DIP2B: variants seen among roughly 807,000 people sequenced by gnomAD.
DIP2B encodes the protein DIP2 acetate--CoA ligase B (putative), also known as disco-interacting protein 2 homolog B.
Under a neutral mutation model 198.0 loss-of-function variants are expected in DIP2B, and 76 were observed. The observed-to-expected ratio is 0.38, with a 90% CI of 0.32 to 0.46. DIP2B has a LOEUF of 0.46. Ranked by LOEUF, DIP2B falls within the 20% of genes least tolerant of loss-of-function variation. DIP2B has a pLI of 0.99. For synonymous variants in DIP2B, 701 were observed against 739.1 expected, an observed-to-expected ratio of 0.95 and a Z score of 0.84; for missense variants, 1,559 against 1,978.4, an observed-to-expected ratio of 0.79 and a Z score of 4.02.
intron 27 of DIP2B, 76 bp from the exon 28 acceptor site, chr12:50,724,699 T>C (rs2139590420): frequency 1.5e-6 from 2 of 1,333,008 alleles, no homozygotes; most frequent in Middle Eastern, 2.3e-4. Flanking sequence ...GAGTGGCTTT[T>C]AGCAGCAGCC....
In DIP2B at chr12:50,505,085, C is replaced by A; in HGVS notation, c.-56C>A. On this transcript the variant is annotated 5_prime_UTR_variant, in exon 1 of 38. Coordinates refer to ENST00000301180, the MANE Select transcript of DIP2B (RefSeq NM_173602.3). ...TAGCCGGGTGTGGGCCCGTGTCTGT[C>A]CGTCCCTCCTTCGGCCCCCTCTCTT... The A allele has an allele frequency of 1.3e-6, 2 of 1,482,692 alleles. No homozygotes were observed. Among genetic ancestry groups the A allele is most frequent in the Non-Finnish European group, 1.8e-6 (2 of 1,104,586 alleles). The allele number at this position is 1,482,692 out of a possible 1,614,324, so 91.8% of individuals were successfully genotyped here.
chr12:50,686,838 G>A (rs1662688245), intron 12 of DIP2B, 156 bp downstream of exon 12: 2 of 608,652 alleles, frequency 3.3e-6, no homozygotes, highest in South Asian at 2.4e-5. Context: ...GCCTTGTAGT[G>A]GATCTTCTAT....
At chr12:50,733,254 CTTTTTTTTTTTT>C (rs10538769) in intron 32 of DIP2B, among the ~76,000 whole-genome samples, 4 of 137,322 alleles carry the variant, frequency 2.9e-5, no homozygotes, top group Non-Finnish European at 6.2e-5. Context: ...TTTTTTCTTT[CTTTTTTTTTTTT>C]TTTTTCCAAA....
chr12:50,704,576 C>T (rs1208799221), intron 20 of DIP2B, among the ~76,000 whole-genome samples: 1 of 152,150 alleles, frequency 6.6e-6, no homozygotes, highest in African/African-American at 2.4e-5. Context: ...AAAAAGTTAT[C>T]TTCAGTAGCA....
intron 1 of DIP2B, among the ~76,000 whole-genome samples, chr12:50,541,226 A>G (rs1417926061): frequency 3.9e-5 from 6 of 152,230 alleles, no homozygotes; most frequent in African/African-American, 1.4e-4. Flanking sequence ...AAATAAGCCT[A>G]TTTGTAAGTT....
chr12:50,698,239 G>A (rs897489074), intron 17 of DIP2B, 89 bp from the exon 18 acceptor site: 2 of 1,479,992 alleles, frequency 1.4e-6, no homozygotes, highest in African/African-American at 1.4e-5. Flanking sequence ...TTTTGGTATT[G>A]TAGCCAGAGG....
At chr12:50,718,130 C>T (rs913374834) in intron 23 of DIP2B, among the ~76,000 whole-genome samples, 5 of 147,996 alleles carry the variant, frequency 3.4e-5, no homozygotes, top group Admixed American at 1.4e-4. Flanking sequence ...CATCTCTTGA[C>T]CTTGTGATCC....
intron 1 of DIP2B, among the ~76,000 whole-genome samples, chr12:50,545,204 G>T (rs758187104): frequency 2.0e-5 from 3 of 152,120 alleles, no homozygotes; most frequent in Non-Finnish European, 4.4e-5. Context: ...AGCTTCAGTG[G>T]TATTACCAGT....
At position 50,510,662 on chromosome 12, in the gene DIP2B, TG is replaced by T. The variant is rs759027338; in HGVS notation, c.100+5423del. The stretch of plus-strand genomic sequence containing the variant: ...TAAAGTACCACCTTTTTTTTTTTTT[TG>T]AGACGGAGTTTCACTCTTGTTGCCC... On this transcript the variant is annotated intron_variant, in intron 1 of 37. Coordinates refer to ENST00000301180, the MANE Select transcript of DIP2B (RefSeq NM_173602.3). Among the ~76,000 whole-genome samples the T allele has an allele frequency of 1.0e-3, 134 of 133,772 alleles. 7 individuals are homozygous for T. Among genetic ancestry groups the T allele is most frequent in the Non-Finnish European group, 1.2e-3 (70 of 59,924 alleles). 87.8% of individuals were successfully genotyped at this position (133,772 alleles called of 152,430 possible). A position where few individuals can be genotyped will look rare whatever the true frequency, so the allele number is the denominator to read the frequency against.
chr12:50,655,394 T>C (rs949294047), intron 3 of DIP2B, among the ~76,000 whole-genome samples: 2 of 152,218 alleles, frequency 1.3e-5, no homozygotes, highest in Non-Finnish European at 2.9e-5. Context: ...GGGGCAGAAG[T>C]GATTGTTCGG....
intron 1 of DIP2B, among the ~76,000 whole-genome samples, chr12:50,561,794 G>T (rs542059141): frequency 3.9e-5 from 6 of 152,124 alleles, no homozygotes; most frequent in African/African-American, 1.2e-4. Flanking sequence ...TTTTAGTAGA[G>T]ACTGGGTTTC....
At chr12:50,538,222 G>T (rs947953362) in intron 1 of DIP2B, among the ~76,000 whole-genome samples, 5 of 152,088 alleles carry the variant, frequency 3.3e-5, no homozygotes, top group South Asian at 2.1e-4. Flanking sequence ...TCTCTAATAA[G>T]AAGAAGAGGA....
At chr12:50,687,000 A>G (rs1939143368) in intron 12 of DIP2B, 1 of 218,506 alleles carries the variant, frequency 4.6e-6, no homozygotes, top group Non-Finnish European at 9.0e-6. Context: ...GCTTATTTAG[A>G]GAGGTTGGGG....
intron 1 of DIP2B, among the ~76,000 whole-genome samples, chr12:50,623,437 A>T (rs2684894): frequency 0.18 from 10,342 of 56,012 alleles, 859 homozygotes; most frequent in Non-Finnish European, 0.26. Context: ...ACACACACAC[A>T]CTCTCTCTCT....
chr12:50,543,252 C>A (rs1487447955), intron 1 of DIP2B, among the ~76,000 whole-genome samples: 1 of 151,850 alleles, frequency 6.6e-6, no homozygotes, highest in African/African-American at 2.4e-5. Context: ...GAGACAATTT[C>A]AATGTCTTAT....
At chr12:50,706,504 A>G (rs753973945) in intron 20 of DIP2B, 34 bp from the exon 21 acceptor site, 7 of 1,607,040 alleles carry the variant, frequency 4.4e-6, no homozygotes, top group South Asian at 2.2e-5. Context: ...TATTTAAATC[A>G]TGGAAATCAA....
intron 1 of DIP2B, among the ~76,000 whole-genome samples, chr12:50,527,307 CAG>C (rs1471492308): frequency 2.6e-5 from 4 of 152,212 alleles, no homozygotes; most frequent in Non-Finnish European, 5.9e-5. Context: ...ACTGTACACA[CAG>C]AGTATTTGTC....
At chr12:50,554,062 G>A (rs951059365) in intron 1 of DIP2B, among the ~76,000 whole-genome samples, 6 of 152,030 alleles carry the variant, frequency 3.9e-5, no homozygotes, top group South Asian at 2.1e-4. Flanking sequence ...TTTATAAGTC[G>A]TCACAACAGA....
intron 12 of DIP2B, 55 bp downstream of exon 12, chr12:50,686,737 C>A: frequency 6.6e-7 from 1 of 1,517,444 alleles, no homozygotes; most frequent in Non-Finnish European, 8.9e-7. Context: ...CTTTGCTTGC[C>A]ACCTTTCAAA....
Sources: gnomAD v4.1 joint callset for allele counts (sites outside exome capture counted in the v4.1 genomes callset) on GRCh38, gnomAD v4.1.1 for gene constraint, MANE v1.5 for transcripts, NCBI Gene and HGNC (gene_info 2026-07-23, HGNC 2026-07-21) for gene names.